The following POLA1 variants were observed in gnomAD, a reference collection of about 807,000 sequenced individuals.
POLA1 encodes DNA polymerase alpha catalytic subunit.
In POLA1, 15 loss-of-function variants were observed where a neutral mutation model predicts 124.0. The observed-to-expected ratio is 0.12, with a 90% confidence interval of 0.08 to 0.19. The LOEUF is 0.19. Among genes scored for constraint, POLA1 ranks in the 10% least tolerant of loss-of-function variants. The probability of loss-of-function intolerance (pLI) is 1.00; values close to 1 mark genes in which losing one functional copy is unlikely to be tolerated. For synonymous variants in POLA1, 408 were observed against 389.4 expected, an observed-to-expected ratio of 1.05 and a Z score of -0.56; for missense variants, 886 against 1,103.4, an observed-to-expected ratio of 0.80 and a Z score of 2.79.
chrX:24,734,562 A>C (rs1931146582), intron 17 of POLA1, among the ~76,000 whole-genome samples: 1 of 111,417 alleles, frequency 9.0e-6, no homozygotes, highest in Admixed American at 9.5e-5. Context: ...ATTATTTGTG[A>C]AGTGCCGTGA....
intron 36 of POLA1, among the ~76,000 whole-genome samples, chrX:24,951,931 G>C (rs919108753): frequency 2.7e-5 from 3 of 111,874 alleles, no homozygotes; most frequent in African/African-American, 6.5e-5. Context: ...CACCCTAACA[G>C]TTACCATTTT....
chrX:24,864,492 CTT>C (rs2046764649), intron 34 of POLA1, among the ~76,000 whole-genome samples: 1 of 111,842 alleles, frequency 8.9e-6, no homozygotes, highest in South Asian at 3.7e-4. Flanking sequence ...TAGCCAAACT[CTT>C]TATTCTGGCA....
intron 26 of POLA1, among the ~76,000 whole-genome samples, chrX:24,790,942 A>T (rs866612182): frequency 2.0e-4 from 18 of 89,168 alleles, no homozygotes; most frequent in African/African-American, 7.0e-4. Flanking sequence ...TATATATATA[A>T]AACATTTAAC....
intron 36 of POLA1, among the ~76,000 whole-genome samples, chrX:24,938,330 C>T (rs778874872): frequency 1.9e-4 from 21 of 111,543 alleles, no homozygotes; most frequent in Admixed American, 4.7e-4. Flanking sequence ...GCAGGAGAAT[C>T]GCTTGAACCC....
At position 24,711,667 on chromosome X, in the gene POLA1, G is replaced by T. The variant is rs542929306; in HGVS notation, c.347-2887G>T. 9.0e-5 allele frequency among the ~76,000 whole-genome samples: 10 copies of T among 110,705 alleles called. No homozygotes were observed. In the South Asian group the frequency reaches 3.5e-3, roughly 39 times the overall value. On this transcript the variant is annotated intron_variant, in intron 4 of 36. Transcript: ENST00000379068. ...AGCTGGAGTACAATGGCGCGATCTC[G>T]GCTCATTGCAACCTCTGCCTCCTGA... is the stretch of plus-strand genomic sequence containing the variant.
chrX:24,915,772 A>G (rs914062320), intron 35 of POLA1, among the ~76,000 whole-genome samples: 1 of 111,855 alleles, frequency 8.9e-6, no homozygotes, highest in Admixed American at 9.5e-5. Flanking sequence ...ACCATATTTC[A>G]GGGGGGTGCA....
chrX:24,788,703 G>T (rs1602389658), intron 26 of POLA1: 4 of 1,204,979 alleles, frequency 3.3e-6, no homozygotes, highest in African/African-American at 1.7e-5. Flanking sequence ...TATTGTGCAA[G>T]ACGTTCTTCC....
chrX:24,693,941 G>C lies in POLA1; in HGVS notation c.-21G>C. On this transcript the variant is annotated 5_prime_UTR_variant, in exon 1 of 37. Coordinates refer to ENST00000379068, the MANE Select transcript of POLA1 (RefSeq NM_001330360.2). ...GCGCCAGTTTTGGGCTGGTTGGCGCGGAATCGGGAGATTCGGGACCATGGC... is the reference window on the plus strand; with the variant it reads ...GCGCCAGTTTTGGGCTGGTTGGCGCCGAATCGGGAGATTCGGGACCATGGC... 1 of 1,187,921 alleles carries C rather than the reference G, an allele frequency of 8.4e-7. No homozygotes were observed. The highest frequency in any genetic ancestry group is 1.1e-6 in the Non-Finnish European group (1 of 882,874).
At chrX:24,918,563 CTGT>C (rs1366723495) in intron 35 of POLA1, among the ~76,000 whole-genome samples, 2 of 112,060 alleles carry the variant, frequency 1.8e-5, no homozygotes, top group Non-Finnish European at 3.8e-5. Flanking sequence ...CTATGAGGTA[CTGT>C]TGTTATTCCT....
At chrX:24,908,921 G>A (rs371089397) in intron 35 of POLA1, among the ~76,000 whole-genome samples, 2 of 111,604 alleles carry the variant, frequency 1.8e-5, no homozygotes, top group Admixed American at 9.5e-5. Flanking sequence ...TTTAATGATC[G>A]CCATTCTAAC....
chrX:24,824,679 A>G (rs2046144846), intron 31 of POLA1, among the ~76,000 whole-genome samples: 1 of 109,248 alleles, frequency 9.2e-6, no homozygotes, highest in Non-Finnish European at 1.9e-5. Context: ...CATCTAACCA[A>G]GTCTTTTGAA....
chrX:24,770,631 A>G (rs554777050), intron 26 of POLA1, among the ~76,000 whole-genome samples: 8 of 111,214 alleles, frequency 7.2e-5, no homozygotes, highest in East Asian at 5.6e-4. Context: ...ACATCCAGTA[A>G]ACTTTTTGTT....
At chrX:24,971,742 C>T (rs1442160981) in intron 36 of POLA1, among the ~76,000 whole-genome samples, 1 of 111,236 alleles carries the variant, frequency 9.0e-6, no homozygotes, top group Middle Eastern at 4.2e-3. Flanking sequence ...ACCATGGAAG[C>T]ACTATCATTA....
At chrX:24,854,262 T>A (rs987155624) in intron 34 of POLA1, among the ~76,000 whole-genome samples, 1 of 110,364 alleles carries the variant, frequency 9.1e-6, no homozygotes, top group Non-Finnish European at 1.9e-5. Flanking sequence ...GCCAGGCTGG[T>A]CTTGAACTCC....
At chrX:24,789,010 C>T (rs756349313) in intron 26 of POLA1, 26 of 1,207,971 alleles carry the variant, frequency 2.2e-5, no homozygotes, top group South Asian at 5.3e-5. Flanking sequence ...AGCTCTTGTC[C>T]GCCAGGTAAT....
At chrX:24,821,382 GT>G in intron 30 of POLA1, 69 bp from the exon 31 acceptor site, 1 of 843,351 alleles carries the variant, frequency 1.2e-6, no homozygotes, top group Non-Finnish European at 1.6e-6. Context: ...TAGCAAAGAT[GT>G]TTTTAGTGTA....
At chrX:24,788,627 G>A (rs1409339078) in intron 26 of POLA1, 2 of 1,194,078 alleles carry the variant, frequency 1.7e-6, no homozygotes, top group African/African-American at 3.5e-5. Context: ...ATCATCCCAA[G>A]GTTTCACATC....
intron 36 of POLA1, among the ~76,000 whole-genome samples, chrX:24,944,695 G>A (rs1371875098): frequency 1.8e-5 from 2 of 111,785 alleles, no homozygotes; most frequent in Non-Finnish European, 3.8e-5. Context: ...AAGCTCTCAC[G>A]AACTAGAGGA....
chrX:24,859,130 G>A (rs775233384), intron 34 of POLA1, among the ~76,000 whole-genome samples: 7 of 111,123 alleles, frequency 6.3e-5, no homozygotes, highest in Non-Finnish European at 9.4e-5. Flanking sequence ...TGGTCATCTC[G>A]TTCTTAGCTT....
Sources: allele counts gnomAD v4.1 joint callset (sites outside exome capture counted in the v4.1 genomes callset), GRCh38; gene constraint gnomAD v4.1.1; transcripts MANE v1.5; gene names NCBI Gene and HGNC (gene_info 2026-07-23, HGNC 2026-07-21).